Variants in ITGA8 observed in about 807,000 individuals in gnomAD.
The protein encoded by ITGA8 is integrin subunit alpha 8.
Under a neutral mutation model 142.3 loss-of-function variants are expected in ITGA8, and 91 were observed. That is an observed-to-expected ratio of 0.64 (90% CI 0.54 to 0.76). The LOEUF (loss-of-function observed/expected upper bound fraction) is 0.76. ITGA8 is among the 30% of genes least tolerant of loss of function. The probability of loss-of-function intolerance (pLI) is 0.00; values close to 1 mark genes in which losing one functional copy is unlikely to be tolerated. For synonymous variants in ITGA8, 505 were observed against 485.2 expected, an observed-to-expected ratio of 1.04 and a Z score of -0.54; for missense variants, 1,406 against 1,327.7, an observed-to-expected ratio of 1.06 and a Z score of -0.92.
chr10:15,564,593 AT>A (rs1198087090), intron 25 of ITGA8, among the ~76,000 whole-genome samples: 5 of 152,224 alleles, frequency 3.3e-5, no homozygotes, highest in African/African-American at 1.2e-4. Context: ...GGAATTTTCT[AT>A]TTTCATCATT....
At chr10:15,628,433 C>A (rs992759251) in intron 13 of ITGA8, among the ~76,000 whole-genome samples, 1 of 147,402 alleles carries the variant, frequency 6.8e-6, no homozygotes, top group African/African-American at 2.5e-5. Context: ...CCTGGGTTCA[C>A]GCCATTCTCC....
intron 26 of ITGA8, among the ~76,000 whole-genome samples, chr10:15,553,441 T>A (rs1189302863): frequency 6.6e-6 from 1 of 152,164 alleles, no homozygotes; most frequent in African/African-American, 2.4e-5. Context: ...AAACATTTTC[T>A]ACTGTCAAGA....
intron 28 of ITGA8, among the ~76,000 whole-genome samples, chr10:15,524,563 A>G (rs1184093032): frequency 6.6e-6 from 1 of 152,212 alleles, no homozygotes; most frequent in Non-Finnish European, 1.5e-5. Flanking sequence ...GTCATGTGAC[A>G]TATTCATGTC....
intron 25 of ITGA8, among the ~76,000 whole-genome samples, chr10:15,568,724 C>A (rs2131578727): frequency 6.6e-6 from 1 of 152,278 alleles, no homozygotes; most frequent in East Asian, 1.9e-4. Flanking sequence ...CCAACTTAAT[C>A]CTCAATAGGG....
At chr10:15,558,631 C>A (rs962657285) in intron 25 of ITGA8, among the ~76,000 whole-genome samples, 11 of 152,128 alleles carry the variant, frequency 7.2e-5, no homozygotes, top group Non-Finnish European at 1.6e-4. Flanking sequence ...AGTGAGGTGC[C>A]AACCTCATTT....
chr10:15,560,735 A>G (rs1833959866), intron 25 of ITGA8, among the ~76,000 whole-genome samples: 1 of 152,190 alleles, frequency 6.6e-6, no homozygotes, highest in African/African-American at 2.4e-5. Context: ...GTAAGATTGT[A>G]TTTTTAATAA....
chr10:15,683,033 G>A (rs956178693), intron 4 of ITGA8, among the ~76,000 whole-genome samples: 3 of 152,034 alleles, frequency 2.0e-5, no homozygotes, highest in Non-Finnish European at 4.4e-5. Flanking sequence ...GCAAAAGGGG[G>A]AAAATTTACA....
chr10:15,711,133 G>A (rs1392174482), intron 2 of ITGA8, among the ~76,000 whole-genome samples: 1 of 152,166 alleles, frequency 6.6e-6, no homozygotes, highest in Non-Finnish European at 1.5e-5. Context: ...AAGGATATAG[G>A]AATGACACAA....
rs1174796020 is a variant in ITGA8 at position 15,531,080 on chromosome 10, C to A, written c.2952G>T (p.Gln984His). ...TGCTTCCTTCTGGGAGTTTTGCTGGCTGATCTGTATAAGGCATCTTCTTAA... is the reference window on the plus strand; with the variant it reads ...TGCTTCCTTCTGGGAGTTTTGCTGGATGATCTGTATAAGGCATCTTCTTAA... Reference protein sequence around the residue: ...FEVKKMPYTDQPAKLPEGSIV... With the variant: ...FEVKKMPYTDHPAKLPEGSIV... Residue 984 changes from glutamine to histidine, a missense_variant, in exon 28 of 30, where the codon CAG becomes CAT. By Grantham distance (24) the Gln-to-His change is conservative. Coordinates refer to ENST00000378076, the MANE Select transcript of ITGA8 (RefSeq NM_003638.3). 1 of 1,583,066 alleles carries A rather than the reference C, an allele frequency of 6.3e-7. No homozygotes were observed. The highest frequency in any genetic ancestry group is 8.6e-7 in the Non-Finnish European group (1 of 1,166,652).
chr10:15,582,764 C>G (rs1338389786), intron 23 of ITGA8, among the ~76,000 whole-genome samples: 1 of 152,246 alleles, frequency 6.6e-6, no homozygotes, highest in Non-Finnish European at 1.5e-5. Flanking sequence ...AAATACAAAC[C>G]AACATAAAGC....
At chr10:15,627,034 G>A (rs1833596533) in intron 13 of ITGA8, among the ~76,000 whole-genome samples, 1 of 152,096 alleles carries the variant, frequency 6.6e-6, no homozygotes. Context: ...ACTCATTATT[G>A]AACTTCCAGC....
At chr10:15,693,988 T>A (rs1834980565) in intron 2 of ITGA8, among the ~76,000 whole-genome samples, 1 of 151,364 alleles carries the variant, frequency 6.6e-6, no homozygotes, top group South Asian at 2.1e-4. Flanking sequence ...CCCCTTAAGC[T>A]GGGATGTTGA....
chr10:15,669,468 C>T (rs1429465010), intron 8 of ITGA8, among the ~76,000 whole-genome samples: 1 of 152,126 alleles, frequency 6.6e-6, no homozygotes, highest in Middle Eastern at 3.2e-3. Flanking sequence ...GTTCGAATTT[C>T]CTCCTGTAGC....
In ITGA8 at chr10:15,678,923, A is replaced by T. The variant is rs1834684144; in HGVS notation, c.569-140T>A. On this transcript the variant is annotated intron_variant, in intron 4 of 29. Transcript: ENST00000378076. ...CAATATGTGTTTTATGTTTATTTTTAAAATGTTGTTCAAGTAATTTATTAA... is the reference window on the plus strand; with the variant it reads ...CAATATGTGTTTTATGTTTATTTTTTAAATGTTGTTCAAGTAATTTATTAA... 2.3e-5 allele frequency: 12 copies of T among 511,098 alleles called. No individual in the cohort carries two copies. The Middle Eastern group carries it at 1.5e-3, about 65-fold the overall frequency. The allele number at this position is 511,098 out of a possible 1,614,324, so 31.7% of individuals were successfully genotyped here.
At chr10:15,584,331 CA>C (rs2131590468) in intron 23 of ITGA8, among the ~76,000 whole-genome samples, 1 of 152,054 alleles carries the variant, frequency 6.6e-6, no homozygotes, top group South Asian at 2.1e-4. Context: ...GAAATATGTG[CA>C]AAAAATTGAA....
At chr10:15,707,468 T>G (rs1261775568) in intron 2 of ITGA8, among the ~76,000 whole-genome samples, 1 of 152,240 alleles carries the variant, frequency 6.6e-6, no homozygotes. Flanking sequence ...GGAATGCAGC[T>G]CTGCCAACAC....
In ITGA8 at chr10:15,719,596, T is replaced by C; in HGVS notation, c.176A>G (p.Tyr59Cys). 1 of 1,561,278 alleles carries C rather than the reference T, an allele frequency of 6.4e-7. No individual in the cohort carries two copies. Among genetic ancestry groups the C allele is most frequent in the South Asian group, 1.2e-5 (1 of 84,018 alleles). Residue 59 changes from tyrosine (Y) to cysteine (C), a missense_variant, in exon 1 of 30, where the codon TAC becomes TGC. Tyr to Cys is a radical substitution (Grantham distance 194). Coordinates refer to ENST00000378076, the MANE Select transcript of ITGA8 (RefSeq NM_003638.3). The part of the protein sequence containing the change: ...YSGPKGSYFG[Y>C]AVDFHIPDAR... ...GTCGGGTATGTGGAAGTCCACGGCG[T>C]AGCCGAAGTAGCTGCCCTTGGGGCC...
At chr10:15,623,458 GGT>G (rs1413915711) in intron 13 of ITGA8, among the ~76,000 whole-genome samples, 1 of 152,190 alleles carries the variant, frequency 6.6e-6, no homozygotes, top group Non-Finnish European at 1.5e-5. Flanking sequence ...GGCTGAGGTG[GGT>G]GGATCACTTG....
chr10:15,700,967 C>G (rs541759729), intron 2 of ITGA8, among the ~76,000 whole-genome samples: 1 of 152,258 alleles, frequency 6.6e-6, no homozygotes, highest in South Asian at 2.1e-4. Context: ...TAGGTATTAT[C>G]TACCCTTTGA....
Sources: allele counts gnomAD v4.1 joint callset (sites outside exome capture counted in the v4.1 genomes callset), GRCh38; gene constraint gnomAD v4.1.1; transcripts MANE v1.5; gene names NCBI Gene and HGNC (gene_info 2026-07-23, HGNC 2026-07-21).